The following ULK1 variants were observed in gnomAD, a reference collection of about 807,000 sequenced individuals.
ULK1 encodes the protein unc-51 like autophagy activating kinase 1.
In ULK1, 48 loss-of-function variants were observed where a neutral mutation model predicts 117.5. The observed-to-expected ratio is 0.41, with a 90% CI of 0.32 to 0.52. The LOEUF (loss-of-function observed/expected upper bound fraction) is 0.52. Among genes scored for constraint, ULK1 ranks in the 20% least tolerant of loss-of-function variants. ULK1 has a pLI of 0.29. For missense variants in ULK1, 1,387 were observed against 1,473.4 expected (o/e 0.94, Z 0.96); for synonymous variants, 790 against 637.8 (o/e 1.24, Z -3.60).
intron 11 of ULK1, 104 bp from the exon 12 acceptor site, chr12:131,910,608 G>A: frequency 6.2e-7 from 1 of 1,608,268 alleles, no homozygotes. Context: ...GGTGTAGCCG[G>A]AAGTGGAGGG....
At chr12:131,898,584 C>T (rs1184673120) in intron 3 of ULK1, among the ~76,000 whole-genome samples, 2 of 152,102 alleles carry the variant, frequency 1.3e-5, no homozygotes, top group Non-Finnish European at 2.9e-5. Flanking sequence ...TCACTGCAAC[C>T]TCCGCCTCCT....
chr12:131,912,073 C>A lies in ULK1; in HGVS notation c.1080C>A (p.Val360=), dbSNP rs773105025. 6.2e-7 allele frequency: 1 copy of A among 1,612,050 alleles called. No homozygotes were observed. The highest frequency in any genetic ancestry group is 1.7e-5 in the Admixed American group (1 of 59,932). The change falls in exon 13 of 28, where the codon GTC becomes GTA. Residue 360 remains valine (V), a synonymous_variant. Coordinates refer to ENST00000321867, the MANE Select transcript of ULK1 (RefSeq NM_003565.4). ...GTGACACAGACGACTTCGTCATGGT[C>A]CCCGCGCAGTTTCCAGGTCAGGGGG... ...SSCDTDDFVM[V]PAQFPGDLVA...
At position 131,921,925 on chromosome 12, in the gene ULK1, C is replaced by T. The variant is rs1890167482; in HGVS notation, c.*564C>T. The T allele has an allele frequency of 2.2e-6, 1 of 456,522 alleles. No homozygotes were observed. The highest frequency in any genetic ancestry group is 1.5e-5 in the South Asian group (1 of 64,576). The allele number at this position is 456,522 out of a possible 1,614,324, so 28.3% of individuals were successfully genotyped here. A position where few individuals can be genotyped will look rare whatever the true frequency, so the allele number is the denominator to read the frequency against. On this transcript the variant is annotated 3_prime_UTR_variant, in exon 28 of 28. Transcript: ENST00000321867. ...CAGTGGCCTGGTGTTTGTACATACACATATGCAGACACATGCCAGGGCCCC... is the reference window on the plus strand; with the variant it reads ...CAGTGGCCTGGTGTTTGTACATACATATATGCAGACACATGCCAGGGCCCC...
chr12:131,916,991 A>C lies in ULK1; in HGVS notation c.2111A>C (p.Lys704Thr). Reference sequence around the variant, plus strand: ...AGCCGCCTCACTGACCTGCTCCTTAAGGCGGCGTTTGGGACACAAGCCCCG... The same window carrying C: ...AGCCGCCTCACTGACCTGCTCCTTACGGCGGCGTTTGGGACACAAGCCCCG... ...STSRLTDLLL[K>T]AAFGTQAPDP... The change falls in exon 21 of 28, where the codon AAG becomes ACG. Residue 704 changes from lysine (K) to threonine (T), a missense_variant. This residue lies in a region of ULK1 where 900 missense variants were observed against 858.9 expected (regional missense o/e 1.05). Coordinates refer to ENST00000321867, the MANE Select transcript of ULK1 (RefSeq NM_003565.4). The C allele has an allele frequency of 6.2e-7, 1 of 1,604,752 alleles. No individual in the cohort carries two copies. Among genetic ancestry groups the C allele is most frequent in the Non-Finnish European group, 8.5e-7 (1 of 1,176,976 alleles).
Position 131,901,516 on chromosome 12 carries a change from C to T in ULK1, c.247-5376C>T, listed in dbSNP as rs564141575. Among the ~76,000 whole-genome samples, 29 of 152,330 alleles carry T rather than the reference C, an allele frequency of 1.9e-4. No individual in the cohort carries two copies. The South Asian group carries it at 4.6e-3, about 24-fold the overall frequency. ...TCCTCCCTCCTATCGAGGGCACGTC[C>T]GTCCTCCTGTGTGCCCCCCTCCCCC... On this transcript the variant is annotated intron_variant, in intron 3 of 27. Transcript: ENST00000321867.
rs1413322797 is a variant in ULK1, at chr12:131,912,040, C to G, written c.1047C>G (p.Asp349Glu). Reference sequence around the variant, plus strand: ...CCCGGGACTCTGGTGGCAGCAAGGACTCTTCCTGTGACACAGACGACTTCG... The same window carrying G: ...CCCGGGACTCTGGTGGCAGCAAGGAGTCTTCCTGTGACACAGACGACTTCG... ...HSSRDSGGSKDSSCDTDDFVM... is the reference protein window; with the variant it reads ...HSSRDSGGSKESSCDTDDFVM... Residue 349 changes from aspartate to glutamate, a missense_variant, in exon 13 of 28, where the codon GAC becomes GAG. By Grantham distance (45) the Asp-to-Glu change is conservative. Transcript: ENST00000321867. 6.2e-7 allele frequency: 1 copy of G among 1,612,784 alleles called. No homozygotes were observed. The highest frequency in any genetic ancestry group is 1.3e-5 in the African/African-American group (1 of 74,946).
chr12:131,913,878 TC>T lies in ULK1; in HGVS notation c.1247+47del, dbSNP rs779586091. ...GCTGGGTGGATGGGGCTGTGAACAG[TC>T]CCCCGGCTGGAGGTTGGGCTTCCTG... On this transcript the variant is annotated intron_variant, in intron 15 of 27. Coordinates refer to ENST00000321867, the MANE Select transcript of ULK1 (RefSeq NM_003565.4). 1.1e-5 allele frequency: 15 copies of T among 1,427,550 alleles called. No homozygotes were observed. The African/African-American group carries it at 1.9e-4, about 18-fold the overall frequency. The allele number at this position is 1,427,550 out of a possible 1,614,324, so 88.4% of individuals were successfully genotyped here.
chr12:131,909,979 C>T lies in ULK1; in HGVS notation c.786C>T (p.Asn262=). 1 of 1,612,086 alleles carries T rather than the reference C, an allele frequency of 6.2e-7. No individual in the cohort carries two copies. The highest frequency in any genetic ancestry group is 8.5e-7 in the Non-Finnish European group (1 of 1,179,846). Residue 262 remains asparagine, a synonymous_variant, in exon 10 of 28, where the codon AAC becomes AAT. Coordinates refer to ENST00000321867, the MANE Select transcript of ULK1 (RefSeq NM_003565.4). The part of the protein sequence containing the change: ...RQLLLALLQR[N]HKDRMDFDEF... ...TGCTCCTGGCCCTACTGCAACGCAACCACAAGGACCGCATGGACTTCGGTG... is the reference window on the plus strand; with the variant it reads ...TGCTCCTGGCCCTACTGCAACGCAATCACAAGGACCGCATGGACTTCGGTG...
chr12:131,915,044 T>G, intron 16 of ULK1, 39 bp from the exon 17 acceptor site: 1 of 1,517,014 alleles, frequency 6.6e-7, no homozygotes, highest in Non-Finnish European at 8.8e-7. Flanking sequence ...CAGGCAGGGC[T>G]GCTGAGGCCT....
chr12:131,904,853 G>A (rs1337427163), intron 3 of ULK1, among the ~76,000 whole-genome samples: 1 of 152,134 alleles, frequency 6.6e-6, no homozygotes, highest in East Asian at 1.9e-4. Context: ...TGGCCGTCCT[G>A]AAGTTATTTC....
At chr12:131,908,207 C>G (rs1889356519) in intron 5 of ULK1, among the ~76,000 whole-genome samples, 1 of 152,266 alleles carries the variant, frequency 6.6e-6, no homozygotes, top group East Asian at 1.9e-4. Flanking sequence ...CGCCTCGCCC[C>G]ACGCGAGGAG....
chr12:131,914,251 AG>A, intron 15 of ULK1, 100 bp from the exon 16 acceptor site: 1 of 1,534,020 alleles, frequency 6.5e-7, no homozygotes, highest in Non-Finnish European at 8.8e-7. Flanking sequence ...TGCCCTAACT[AG>A]GAAGTCTGGG....
rs760064542 is a variant in ULK1, at chr12:131,918,530, G to A, written c.2360G>A (p.Arg787His). 1.6e-5 allele frequency: 25 copies of A among 1,610,438 alleles called. No homozygotes were observed. Among genetic ancestry groups the A allele is most frequent in the East Asian group, 2.2e-5 (1 of 44,802 alleles). The change falls in exon 23 of 28, where the codon CGC (arginine) becomes CAC (histidine). Residue 787 changes from arginine to histidine, a missense_variant. This residue lies in a region of ULK1 where 900 missense variants were observed against 858.9 expected (regional missense o/e 1.05). Transcript: ENST00000321867. ...ACTGGCTCTGCCAGCTCTTCTGCCC[G>A]CCACCTGGTGCCTGGGCCCTGCAGC... ...GPTGSASSSARHLVPGPCSEA... is the reference protein window; with the variant it reads ...GPTGSASSSAHHLVPGPCSEA...
chr12:131,910,760 G>T lies in ULK1; in HGVS notation c.908G>T (p.Ser303Ile). The T allele has an allele frequency of 6.2e-7, 1 of 1,612,770 alleles. No individual in the cohort carries two copies. The highest frequency in any genetic ancestry group is 8.5e-7 in the Non-Finnish European group (1 of 1,179,888). The change falls in exon 12 of 28, where the codon AGC becomes ATC. Residue 303 changes from serine (S) to isoleucine (I), a missense_variant. Ser to Ile is a moderately radical substitution (Grantham distance 142). Coordinates refer to ENST00000321867, the MANE Select transcript of ULK1 (RefSeq NM_003565.4). ...PSYPSSGSGSSSSSSSTSHLA... is the reference protein window; with the variant it reads ...PSYPSSGSGSISSSSSTSHLA... Reference sequence around the variant, plus strand: ...TACCCAAGCTCGGGGTCCGGCAGCAGCTCCAGCAGCAGCTCCACCTCCCAC... The same window carrying T: ...TACCCAAGCTCGGGGTCCGGCAGCATCTCCAGCAGCAGCTCCACCTCCCAC...
At chr12:131,914,826 G>T (rs1420008088) in intron 16 of ULK1, among the ~76,000 whole-genome samples, 1 of 152,158 alleles carries the variant, frequency 6.6e-6, no homozygotes, top group Non-Finnish European at 1.5e-5. Context: ...TAGGGTGAGG[G>T]TGCCTTGGGT....
At chr12:131,916,874 G>T in intron 20 of ULK1, 79 bp from the exon 21 acceptor site, 1 of 1,319,016 alleles carries the variant, frequency 7.6e-7, no homozygotes, top group Non-Finnish European at 1.0e-6. Context: ...ATGTGTGTCT[G>T]GCCTGCAGAG....
chr12:131,919,186 G>C (rs770825120), intron 23 of ULK1, 26 bp from the exon 24 acceptor site: 1 of 1,577,434 alleles, frequency 6.3e-7, no homozygotes, highest in Non-Finnish European at 8.6e-7. Flanking sequence ...GGCAGCACTT[G>C]CCGCCCTGAC....
chr12:131,895,860 G>T (rs565107373), intron 3 of ULK1, 36 bp downstream of exon 3: 6 of 1,613,368 alleles, frequency 3.7e-6, no homozygotes, highest in Admixed American at 3.3e-5. Context: ...TGGGGACCGG[G>T]CTGGGGGACT....
chr12:131,898,703 T>C (rs1342478966), intron 3 of ULK1, among the ~76,000 whole-genome samples: 1 of 149,788 alleles, frequency 6.7e-6, no homozygotes, highest in African/African-American at 2.5e-5. Context: ...GGTTTCACCA[T>C]GTTGGCCAGC....
Sources: allele counts gnomAD v4.1 joint callset (sites outside exome capture counted in the v4.1 genomes callset), GRCh38; gene constraint gnomAD v4.1.1; regional missense constraint gnomAD v4.1.1; transcripts MANE v1.5; gene names NCBI Gene and HGNC (gene_info 2026-07-23, HGNC 2026-07-21).